The following PRMT9 variants were observed in gnomAD, a reference collection of about 807,000 sequenced individuals.
PRMT9 encodes protein arginine N-methyltransferase 9.
A neutral mutation model predicts 83.2 loss-of-function variants in PRMT9; 59 were observed. That is an observed-to-expected ratio of 0.71 (90% CI 0.57 to 0.88). PRMT9 has a LOEUF of 0.88. PRMT9 is among the 40% of genes least tolerant of loss of function. The pLI is 0.00. For synonymous variants in PRMT9, 333 were observed against 353.2 expected (o/e 0.94, Z 0.64); for missense variants, 947 against 1,021.9 (o/e 0.93, Z 1.00).
chr4:147,655,380 C>T (rs1008559706), intron 8 of PRMT9, among the ~76,000 whole-genome samples: 1 of 151,830 alleles, frequency 6.6e-6, no homozygotes, highest in Non-Finnish European at 1.5e-5. Context: ...CCAGGCTGGT[C>T]TTGAACTCCT....
chr4:147,644,443 C>G (rs1733604738), intron 9 of PRMT9, among the ~76,000 whole-genome samples: 2 of 148,674 alleles, frequency 1.3e-5, no homozygotes, highest in African/African-American at 5.0e-5. Flanking sequence ...AAAATCCTTT[C>G]TCTTCCTACG....
intron 2 of PRMT9, among the ~76,000 whole-genome samples, chr4:147,679,445 C>CA (rs1309244258): frequency 1.3e-3 from 181 of 139,946 alleles, no homozygotes; most frequent in Middle Eastern, 3.8e-3. Flanking sequence ...CACACTGTCT[C>CA]AAAAAAAAAA....
At chr4:147,662,029 T>C (rs1411052043) in intron 6 of PRMT9, among the ~76,000 whole-genome samples, 8 of 152,118 alleles carry the variant, frequency 5.3e-5, no homozygotes, top group Admixed American at 4.6e-4. Context: ...CTTCTGAGAA[T>C]ATAGTCAACA....
chr4:147,644,668 C>A (rs1316816030), intron 9 of PRMT9, among the ~76,000 whole-genome samples: 1 of 151,860 alleles, frequency 6.6e-6, no homozygotes, highest in Admixed American at 6.6e-5. Context: ...AGAGTGTAAC[C>A]AGGTGTTCAT....
intron 7 of PRMT9, among the ~76,000 whole-genome samples, chr4:147,658,293 G>A (rs1258193731): frequency 2.6e-5 from 4 of 151,810 alleles, no homozygotes; most frequent in Non-Finnish European, 5.9e-5. Context: ...GAAAATAGAG[G>A]GGGATGGAGG....
chr4:147,673,986 T>C (rs1578933872), intron 2 of PRMT9, 112 bp from the exon 3 acceptor site: 30 of 831,596 alleles, frequency 3.6e-5, no homozygotes, highest in Non-Finnish European at 2.0e-6. Context: ...GCACCCCAAA[T>C]CCTGCCAATC....
chr4:147,671,497 G>A (rs1042572885), intron 4 of PRMT9, among the ~76,000 whole-genome samples: 4 of 152,278 alleles, frequency 2.6e-5, no homozygotes, highest in East Asian at 3.9e-4. Flanking sequence ...TATGTAGTTA[G>A]AAGATAAGAA....
Position 147,638,877 on chromosome 4 carries a change from A to G in PRMT9, c.2322+83T>C. 4 of 1,420,450 alleles carry G rather than the reference A, an allele frequency of 2.8e-6. No individual in the cohort carries two copies. In the East Asian group the frequency reaches 7.3e-5, roughly 26 times the overall value. 88.0% of individuals were successfully genotyped at this position (1,420,450 alleles called of 1,614,324 possible). ...TAGATTTAAATCTTTAAAGTAGCTA[A>G]AAGTATGTATAAAAGTATTACCTAA... On this transcript the variant is annotated intron_variant, in intron 11 of 11. Coordinates refer to ENST00000322396, the MANE Select transcript of PRMT9 (RefSeq NM_138364.4).
chr4:147,653,709 C>T lies in PRMT9; in HGVS notation c.2045+143G>A, dbSNP rs900565150. ...ATGATTTTAGCAGCAAATGAAGTCA[C>T]ACGTCCTGAAAAGTAATGCTTGAGG... On this transcript the variant is annotated intron_variant, in intron 9 of 11. Coordinates refer to ENST00000322396, the MANE Select transcript of PRMT9 (RefSeq NM_138364.4). 4 of 660,626 alleles carry T rather than the reference C, an allele frequency of 6.1e-6. No homozygotes were observed. The African/African-American group carries it at 7.3e-5, about 12-fold the overall frequency. 40.9% of individuals were successfully genotyped at this position (660,626 alleles called of 1,614,324 possible). A position where few individuals can be genotyped will look rare whatever the true frequency, so the allele number is the denominator to read the frequency against.
chr4:147,640,826 G>A (rs1012810682), intron 10 of PRMT9, among the ~76,000 whole-genome samples: 7 of 151,894 alleles, frequency 4.6e-5, no homozygotes, highest in Admixed American at 3.3e-4. Flanking sequence ...AGCTCAAGCC[G>A]TCCTCCCACC....
chr4:147,663,389 G>C (rs1318331955), intron 6 of PRMT9, among the ~76,000 whole-genome samples: 4 of 151,734 alleles, frequency 2.6e-5, no homozygotes, highest in Non-Finnish European at 5.9e-5. Context: ...GTGAGACAAG[G>C]TCTCATGCTG....
intron 9 of PRMT9, among the ~76,000 whole-genome samples, chr4:147,649,262 T>C (rs777913948): frequency 7.3e-5 from 11 of 151,388 alleles, no homozygotes; most frequent in Non-Finnish European, 1.5e-4. Flanking sequence ...AAAAACCCAC[T>C]CCCATGATAA....
intron 8 of PRMT9, among the ~76,000 whole-genome samples, chr4:147,655,798 G>A (rs1018808305): frequency 6.6e-6 from 1 of 152,136 alleles, no homozygotes; most frequent in African/African-American, 2.4e-5. Flanking sequence ...CAAAGTGCTA[G>A]GATTACAGGC....
chr4:147,682,500 C>G (rs1169535894), intron 1 of PRMT9, among the ~76,000 whole-genome samples: 2 of 151,736 alleles, frequency 1.3e-5, no homozygotes, highest in Non-Finnish European at 2.9e-5. Flanking sequence ...TTAGTAGAGA[C>G]AGGTTTTCAC....
At chr4:147,657,449 C>T (rs1445327999) in intron 8 of PRMT9, among the ~76,000 whole-genome samples, 3 of 151,484 alleles carry the variant, frequency 2.0e-5, no homozygotes, top group South Asian at 2.1e-4. Context: ...GGCGTGAACC[C>T]GGGAGGCGGA....
chr4:147,640,902 A>G (rs1443475362), intron 10 of PRMT9, among the ~76,000 whole-genome samples: 2 of 151,984 alleles, frequency 1.3e-5, no homozygotes, highest in Admixed American at 1.3e-4. Context: ...TTGTAGAGAG[A>G]CAGTCTCACT....
chr4:147,660,631 G>A (rs1302510052), intron 7 of PRMT9, among the ~76,000 whole-genome samples: 1 of 151,790 alleles, frequency 6.6e-6, no homozygotes, highest in Non-Finnish European at 1.5e-5. Flanking sequence ...CACTGTCAAA[G>A]AAAGAAAAGA....
intron 7 of PRMT9, among the ~76,000 whole-genome samples, chr4:147,659,580 T>TTTTC (rs1560984707): frequency 7.0e-4 from 2 of 2,852 alleles, no homozygotes; most frequent in Non-Finnish European, 9.5e-3. Context: ...CTTTCTTTTC[T>TTTTC]TTTTTTTTTT....
At chr4:147,668,718 A>T in intron 5 of PRMT9, 73 bp from the exon 6 acceptor site, 1 of 881,446 alleles carries the variant, frequency 1.1e-6, no homozygotes, top group Non-Finnish European at 1.9e-6. Context: ...ATAAGCTATG[A>T]AAATATAATT....
Sources: gnomAD v4.1 joint callset for allele counts (sites outside exome capture counted in the v4.1 genomes callset) on GRCh38, gnomAD v4.1.1 for gene constraint, MANE v1.5 for transcripts, NCBI Gene and HGNC (gene_info 2026-07-23, HGNC 2026-07-21) for gene names.